Variants in ATG7 observed in about 807,000 individuals in gnomAD.
ATG7 encodes the protein ubiquitin-like modifier-activating enzyme ATG7.
A neutral mutation model predicts 82.4 loss-of-function variants in ATG7; 70 were observed. The observed-to-expected ratio is 0.85, with a 90% CI of 0.70 to 1.04. The LOEUF is 1.04. Ranked by LOEUF, ATG7 falls within the 50% of genes least tolerant of loss-of-function variation. The pLI is 0.00. For synonymous variants in ATG7, 287 were observed against 313.0 expected, an observed-to-expected ratio of 0.92 and a Z score of 0.88; for missense variants, 792 against 864.3, an observed-to-expected ratio of 0.92 and a Z score of 1.05.
chr3:11,304,395 G>A (rs1947362425), intron 5 of ATG7: 1 of 152,272 alleles, frequency 6.6e-6, no homozygotes, highest in Non-Finnish European at 1.5e-5. Flanking sequence ...GACTGTGTTA[G>A]AGGATGTTAC....
At chr3:11,544,104 C>T (rs1051994446) in intron 20 of ATG7, among the ~76,000 whole-genome samples, 4 of 152,248 alleles carry the variant, frequency 2.6e-5, no homozygotes, top group African/African-American at 7.2e-5. Flanking sequence ...AGCAGTCACA[C>T]CGGCCATCCT....
chr3:11,339,078 C>T (rs913506969), intron 11 of ATG7, among the ~76,000 whole-genome samples: 2 of 151,930 alleles, frequency 1.3e-5, no homozygotes, highest in African/African-American at 2.4e-5. Context: ...GGGTGGATCA[C>T]GAGGTCAGGA....
chr3:11,312,784 G>T (rs999061836), intron 7 of ATG7, among the ~76,000 whole-genome samples: 3 of 152,238 alleles, frequency 2.0e-5, no homozygotes, highest in African/African-American at 7.2e-5. Context: ...ATTGTGAAGA[G>T]AATGGTAACT....
intron 20 of ATG7, among the ~76,000 whole-genome samples, chr3:11,450,745 C>T (rs1340164647): frequency 6.6e-6 from 1 of 152,196 alleles, no homozygotes; most frequent in Non-Finnish European, 1.5e-5. Context: ...GGCCCTGCTA[C>T]CGTTTGTGAA....
rs553507257 is a variant in ATG7 at position 11,553,728 on chromosome 3, C to CA, written c.2080-1082dup. Among the ~76,000 whole-genome samples, 779 of 152,316 alleles carry CA rather than the reference C, an allele frequency of 5.1e-3. 7 individuals carry two copies. Among genetic ancestry groups the CA allele is most frequent in the African/African-American group, 0.018 (746 of 41,572 alleles). ...ATAGTTTGGCCTCGGGAGACAGGGG[C>CA]AGTGAGAAGGCTGCCTCCCCTCAGC... is the stretch of plus-strand genomic sequence containing the variant. On this transcript the variant is annotated intron_variant, in intron 20 of 20. Transcript: ENST00000693202.
intron 20 of ATG7, among the ~76,000 whole-genome samples, chr3:11,475,900 CA>C (rs2088133765): frequency 1.3e-5 from 2 of 151,176 alleles, no homozygotes; most frequent in African/African-American, 4.9e-5. Context: ...CACACACACA[CA>C]CACACACCCC....
chr3:11,562,340 T>C (rs913692769), downstream of ATG7, among the ~76,000 whole-genome samples: 1 of 152,134 alleles, frequency 6.6e-6, no homozygotes, highest in Non-Finnish European at 1.5e-5. Flanking sequence ...TACATGCCCC[T>C]CTGGGAACTT....
intron 20 of ATG7, among the ~76,000 whole-genome samples, chr3:11,486,152 T>C (rs1488951751): frequency 6.6e-6 from 1 of 152,226 alleles, no homozygotes; most frequent in Admixed American, 6.5e-5. Context: ...ATTTTCATGA[T>C]ATTGATTCTT....
intron 9 of ATG7, among the ~76,000 whole-genome samples, chr3:11,318,980 TCTGCCTGCCCCATATCCC>T (rs1949833798): frequency 6.6e-6 from 1 of 152,244 alleles, no homozygotes; most frequent in Non-Finnish European, 1.5e-5. Context: ...GATTTGCTTT[TCTGCCTGCCCCATATCCC>T]CAGCCTGTGA....
At chr3:11,384,526 G>A (rs1322789535) in intron 19 of ATG7, among the ~76,000 whole-genome samples, 1 of 152,188 alleles carries the variant, frequency 6.6e-6, no homozygotes, top group Non-Finnish European at 1.5e-5. Flanking sequence ...AAGAGTGATA[G>A]GGTAAGGGTT....
downstream of ATG7, chr3:11,559,374 A>C: frequency 1.9e-6 from 3 of 1,553,980 alleles, no homozygotes; most frequent in South Asian, 2.4e-5. Context: ...GGCGCGGCAC[A>C]GCCGCTGTGC....
Position 11,342,292 on chromosome 3 carries a change from T to TG in ATG7, c.1125+19dup, listed in dbSNP as rs751682075. On this transcript the variant is annotated intron_variant, in intron 13 of 20. Coordinates refer to ENST00000693202, the MANE Select transcript of ATG7 (RefSeq NM_001349232.2). ...TAGGACGTTGATGGTAAGTCGGAGG[T>TG]GGGGGGTGCAAATGGCACCTTTGAA... 4 of 1,606,690 alleles carry TG rather than the reference T, an allele frequency of 2.5e-6. No individual in the cohort carries two copies. The highest frequency in any genetic ancestry group is 3.4e-6 in the Non-Finnish European group (4 of 1,177,666).
intron 20 of ATG7, among the ~76,000 whole-genome samples, chr3:11,450,726 C>G (rs896702914): frequency 2.6e-5 from 4 of 152,204 alleles, no homozygotes; most frequent in Middle Eastern, 3.2e-3. Flanking sequence ...TCTTTCCAAG[C>G]TGCACATGGG....
intron 14 of ATG7, among the ~76,000 whole-genome samples, chr3:11,351,258 C>A (rs945304680): frequency 6.6e-6 from 1 of 152,132 alleles, no homozygotes; most frequent in African/African-American, 2.4e-5. Context: ...TTCACAAATA[C>A]TTATCATTGT....
intron 19 of ATG7, among the ~76,000 whole-genome samples, chr3:11,394,036 T>C (rs1271011039): frequency 6.6e-6 from 1 of 152,220 alleles, no homozygotes; most frequent in Non-Finnish European, 1.5e-5. Flanking sequence ...ATTCTGGTAT[T>C]GTGGAGATGT....
chr3:11,304,237 G>A (rs1947340522), intron 5 of ATG7, among the ~76,000 whole-genome samples: 1 of 152,238 alleles, frequency 6.6e-6, no homozygotes, highest in African/African-American at 2.4e-5. Context: ...CAGAGGCTGT[G>A]TCTTTCTTAT....
chr3:11,569,555 CAA>C, the ATG7 span, among the ~76,000 whole-genome samples: 23 of 152,350 alleles, frequency 1.5e-4, 1 homozygote, highest in Admixed American at 6.5e-4. Flanking sequence ...CAGGTGGAGA[CAA>C]GAGATTCAAA....
chr3:11,485,625 G>A (rs1259841286), intron 20 of ATG7, among the ~76,000 whole-genome samples: 2 of 152,190 alleles, frequency 1.3e-5, no homozygotes, highest in Non-Finnish European at 2.9e-5. Context: ...ACATGCCTAT[G>A]TCCTGAATGG....
intron 13 of ATG7, among the ~76,000 whole-genome samples, chr3:11,342,856 A>T (rs1385438497): frequency 6.6e-6 from 1 of 151,488 alleles, no homozygotes; most frequent in Non-Finnish European, 1.5e-5. Context: ...TAGGAAAAAA[A>T]CCCTGGACAT....
Sources: allele counts gnomAD v4.1 joint callset (sites outside exome capture counted in the v4.1 genomes callset), GRCh38; gene constraint gnomAD v4.1.1; transcripts MANE v1.5; gene names NCBI Gene and HGNC (gene_info 2026-07-23, HGNC 2026-07-21).